ARMC10: variants seen among roughly 807,000 people sequenced by gnomAD.
ARMC10 encodes the protein armadillo repeat-containing protein 10.
ARMC10 carries 23 observed loss-of-function variants against 30.2 expected under a neutral mutation model. The ratio of observed to expected loss-of-function variants is 0.76; its 90% CI spans 0.55 to 1.08. The LOEUF (loss-of-function observed/expected upper bound fraction) is 1.08, where lower values mean the gene tolerates loss of function less well. ARMC10 is among the 50% of genes least tolerant of loss of function. ARMC10 has a pLI of 0.00. For missense variants in ARMC10, 303 were observed against 413.7 expected, an observed-to-expected ratio of 0.73 and a Z score of 2.32; for synonymous variants, 111 against 164.4, an observed-to-expected ratio of 0.68 and a Z score of 2.48.
intron 4 of ARMC10, among the ~76,000 whole-genome samples, chr7:103,091,617 TCTTTA>T (rs1801336667): frequency 6.6e-6 from 1 of 152,172 alleles, no homozygotes; most frequent in African/African-American, 2.4e-5. Flanking sequence ...ATCCTCCCAT[TCTTTA>T]CTTCTGAAAT....
At chr7:103,097,184 C>CT (rs1266175125) in intron 5 of ARMC10, 93 bp from the exon 6 acceptor site, 5 of 1,078,494 alleles carry the variant, frequency 4.6e-6, no homozygotes, top group African/African-American at 3.1e-5. Flanking sequence ...TTAGGCAGGA[C>CT]TTTAACAGGA....
intron 2 of ARMC10, 118 bp downstream of exon 2, chr7:103,075,999 T>A (rs1799758116): frequency 3.2e-6 from 2 of 618,214 alleles, no homozygotes; most frequent in South Asian, 6.0e-5. Flanking sequence ...TCCAAAGGCA[T>A]GTTTCACATC....
chr7:103,092,635 T>C lies in ARMC10; in HGVS notation c.687T>C (p.Thr229=). Residue 229 remains threonine, a synonymous_variant, in exon 5 of 7, where the codon ACT becomes ACC. Transcript: ENST00000323716. The part of the protein sequence containing the change: ...YITDLFQVLL[T]GNGNTKVQVL... ...CAGACCTGTTCCAGGTGTTACTTAC[T>C]GGAAATGGAAACACGAAGGTATGAA... The C allele has an allele frequency of 2.5e-6, 4 of 1,571,338 alleles. No individual in the cohort carries two copies. The highest frequency in any genetic ancestry group is 3.5e-6 in the Non-Finnish European group (4 of 1,146,704).
intron 2 of ARMC10, among the ~76,000 whole-genome samples, chr7:103,076,857 A>G (rs1194681518): frequency 1.4e-5 from 2 of 144,126 alleles, no homozygotes; most frequent in Admixed American, 1.4e-4. Flanking sequence ...ACAAACAAAA[A>G]GATTTACATT....
At chr7:103,076,752 T>C (rs1799888628) in intron 2 of ARMC10, among the ~76,000 whole-genome samples, 1 of 152,188 alleles carries the variant, frequency 6.6e-6, no homozygotes, top group Admixed American at 6.5e-5. Flanking sequence ...GGAGAATCAC[T>C]TGAACCCAGG....
chr7:103,083,831 G>A lies in ARMC10; in HGVS notation c.393+1G>A. 1.2e-6 allele frequency: 2 copies of A among 1,613,352 alleles called. No individual in the cohort carries two copies. The highest frequency in any genetic ancestry group is 1.7e-6 in the Non-Finnish European group (2 of 1,179,744). ...CAATGCAGCCTTTTCAGTTAACCAA[G>A]TAAGTACCTCAACTCAGCAAGCAAG... On this transcript the variant is annotated splice_donor_variant, in intron 3 of 6. Coordinates refer to ENST00000323716, the MANE Select transcript of ARMC10 (RefSeq NM_031905.5). LOFTEE classifies it high-confidence loss of function.
intron 5 of ARMC10, among the ~76,000 whole-genome samples, chr7:103,093,737 G>C (rs1308059088): frequency 6.6e-6 from 1 of 152,192 alleles, no homozygotes; most frequent in African/African-American, 2.4e-5. Context: ...TGACTCTGCA[G>C]CTGCTTTACC....
At chr7:103,097,229 A>G (rs759629997) in intron 5 of ARMC10, 48 bp from the exon 6 acceptor site, 1 of 1,493,752 alleles carries the variant, frequency 6.7e-7, no homozygotes, top group Admixed American at 1.7e-5. Context: ...CTGAGAGAGA[A>G]AATTCATGCT....
In ARMC10 at chr7:103,083,828, C is replaced by T; in HGVS notation, c.391C>T (p.Gln131Ter). ...TAACAATGCAGCCTTTTCAGTTAAC[C>T]AAGTAAGTACCTCAACTCAGCAAGC... ...LGNNAAFSVNQAIIRELGGIP... is the reference protein window; with the variant it reads ...LGNNAAFSVN The change falls in exon 3 of 7, where the codon CAA (glutamine) becomes TAA (stop). Residue 131 changes from glutamine to a stop codon, truncating the protein, a stop_gained and splice_region_variant. Transcript: ENST00000323716. LOFTEE classifies it high-confidence loss of function. The T allele has an allele frequency of 6.2e-7, 1 of 1,613,244 alleles. No individual in the cohort carries two copies. The highest frequency in any genetic ancestry group is 8.5e-7 in the Non-Finnish European group (1 of 1,179,728).
intron 2 of ARMC10, chr7:103,083,161 C>T (rs1163990687): frequency 4.4e-6 from 2 of 456,476 alleles, no homozygotes; most frequent in African/African-American, 4.0e-5. Context: ...AAGTGTCTTA[C>T]TAACAGCCAT....
In ARMC10 at chr7:103,092,579, G is replaced by A. The variant is rs1801443091; in HGVS notation, c.631G>A (p.Asp211Asn). 1 of 1,609,870 alleles carries A rather than the reference G, an allele frequency of 6.2e-7. No individual in the cohort carries two copies. Among genetic ancestry groups the A allele is most frequent in the African/African-American group, 1.3e-5 (1 of 74,856 alleles). ...GTTGACAAACATGACTGTTACCAAT[G>A]ACCACCAGCACATGCTTCACAGTTA... ...TLLTNMTVTN[D>N]HQHMLHSYIT... is the part of the protein sequence containing the mutation. The change falls in exon 5 of 7, where the codon GAC becomes AAC. Residue 211 changes from aspartate to asparagine, a missense_variant. Coordinates refer to ENST00000323716, the MANE Select transcript of ARMC10 (RefSeq NM_031905.5).
chr7:103,079,067 C>T (rs1488592387), intron 2 of ARMC10, among the ~76,000 whole-genome samples: 3 of 152,190 alleles, frequency 2.0e-5, no homozygotes, highest in South Asian at 2.1e-4. Context: ...TTGAAAAAGA[C>T]GGAAACAGTC....
At chr7:103,094,620 T>C (rs1395830596) in intron 5 of ARMC10, among the ~76,000 whole-genome samples, 2 of 152,214 alleles carry the variant, frequency 1.3e-5, no homozygotes, top group Non-Finnish European at 2.9e-5. Context: ...GTTCCTATTT[T>C]TCTAATTGAA....
At chr7:103,093,974 T>C (rs375938737) in intron 5 of ARMC10, among the ~76,000 whole-genome samples, 7 of 152,254 alleles carry the variant, frequency 4.6e-5, no homozygotes, top group African/African-American at 1.7e-4. Context: ...GAAAATTTGC[T>C]TTCTTGGTCT....
At chr7:103,077,673 C>T (rs1800011991) in intron 2 of ARMC10, among the ~76,000 whole-genome samples, 1 of 152,144 alleles carries the variant, frequency 6.6e-6, no homozygotes, top group Non-Finnish European at 1.5e-5. Context: ...ACATGAGTTT[C>T]GCAGGAGACA....
chr7:103,094,905 G>A (rs1034809898), intron 5 of ARMC10, among the ~76,000 whole-genome samples: 5 of 152,064 alleles, frequency 3.3e-5, no homozygotes, highest in Non-Finnish European at 7.4e-5. Context: ...TTTTTACCTT[G>A]TTCTCTTTTG....
intron 6 of ARMC10, among the ~76,000 whole-genome samples, chr7:103,097,770 T>G (rs1015198804): frequency 3.3e-5 from 5 of 152,098 alleles, no homozygotes; most frequent in African/African-American, 1.2e-4. Flanking sequence ...TACAGTCTAG[T>G]GGAGAGACAA....
chr7:103,084,689 A>C (rs181884491), intron 3 of ARMC10, among the ~76,000 whole-genome samples: 2 of 152,208 alleles, frequency 1.3e-5, no homozygotes, highest in East Asian at 3.9e-4. Context: ...CTCTTTCTCT[A>C]CCTTTTGGCT....
At chr7:103,086,139 ACC>A (rs1563322876) in intron 3 of ARMC10, among the ~76,000 whole-genome samples, 5 of 152,156 alleles carry the variant, frequency 3.3e-5, no homozygotes, top group Non-Finnish European at 5.9e-5. Context: ...ACCATGGGAA[ACC>A]ACCCCCCCTT....
Sources: gnomAD v4.1 joint callset for allele counts (sites outside exome capture counted in the v4.1 genomes callset) on GRCh38, gnomAD v4.1.1 for gene constraint, MANE v1.5 for transcripts, NCBI Gene and HGNC (gene_info 2026-07-23, HGNC 2026-07-21) for gene names.